The following TTC28 variants were observed in gnomAD, a reference collection of about 807,000 sequenced individuals.
TTC28 encodes tetratricopeptide repeat domain 28, also known as tetratricopeptide repeat protein 28.
TTC28 carries 61 observed loss-of-function variants against 198.0 expected under a neutral mutation model. That is an observed-to-expected ratio of 0.31 (90% CI 0.25 to 0.38). TTC28 has a LOEUF of 0.38. Ranked by LOEUF, TTC28 falls within the 10% of genes least tolerant of loss-of-function variation. The pLI, the probability that TTC28 is intolerant of heterozygous loss-of-function variation, is 1.00. For synonymous variants in TTC28, 1,171 were observed against 1,297.8 expected, an observed-to-expected ratio of 0.90 and a Z score of 2.10; for missense variants, 2,678 against 3,164.0, an observed-to-expected ratio of 0.85 and a Z score of 3.69.
chr22:28,360,716 G>A (rs2046145437), intron 2 of TTC28, among the ~76,000 whole-genome samples: 1 of 152,078 alleles, frequency 6.6e-6, no homozygotes, highest in Non-Finnish European at 1.5e-5. Flanking sequence ...GGCATACTTT[G>A]TTTTACTGCA....
chr22:28,016,379 C>G (rs1007992725), intron 13 of TTC28, among the ~76,000 whole-genome samples: 9 of 152,226 alleles, frequency 5.9e-5, no homozygotes, highest in Non-Finnish European at 1.2e-4. Context: ...GCATGACGCG[C>G]GGTGTCTGTC....
Position 27,993,523 on chromosome 22 carries a change from G to C in TTC28, c.5245-5C>G. On this transcript the variant is annotated splice_polypyrimidine_tract_variant and splice_region_variant and intron_variant, in intron 17 of 22. Coordinates refer to ENST00000397906, the MANE Select transcript of TTC28 (RefSeq NM_001145418.2). ...GCGCTGCAGGGATTTCTCCACCTGA[G>C]GGGGAATTGGGGGTGAGTCAGAGAC... 6.5e-7 allele frequency: 1 copy of C among 1,535,766 alleles called. No individual in the cohort carries two copies. The highest frequency in any genetic ancestry group is 8.8e-7 in the Non-Finnish European group (1 of 1,136,208).
intron 2 of TTC28, among the ~76,000 whole-genome samples, chr22:28,426,653 G>C (rs2047354831): frequency 6.6e-6 from 1 of 152,130 alleles, no homozygotes; most frequent in Admixed American, 6.5e-5. Context: ...CTTAGATCCT[G>C]CTCTTTCCCC....
At chr22:28,123,624 C>A (rs1419205189) in intron 6 of TTC28, among the ~76,000 whole-genome samples, 1 of 152,206 alleles carries the variant, frequency 6.6e-6, no homozygotes, top group Non-Finnish European at 1.5e-5. Context: ...TCCTTACGAT[C>A]TTCCTTCTAT....
intron 6 of TTC28, among the ~76,000 whole-genome samples, chr22:28,157,291 G>A (rs1360083883): frequency 3.3e-5 from 5 of 152,144 alleles, no homozygotes; most frequent in Admixed American, 6.5e-5. Context: ...AACAAGCAAT[G>A]AGATTAAAGC....
chr22:28,439,041 T>G (rs949880510), intron 2 of TTC28, among the ~76,000 whole-genome samples: 2 of 152,200 alleles, frequency 1.3e-5, no homozygotes, highest in South Asian at 2.1e-4. Flanking sequence ...ATGAATCAAC[T>G]GAAATATAAG....
At chr22:28,313,894 T>G (rs761847842) in intron 2 of TTC28, among the ~76,000 whole-genome samples, 3 of 152,098 alleles carry the variant, frequency 2.0e-5, no homozygotes, top group Non-Finnish European at 4.4e-5. Context: ...ATAAAGCATA[T>G]ACAAATAGGA....
At chr22:28,293,988 T>C (rs2044839968) in intron 5 of TTC28, among the ~76,000 whole-genome samples, 1 of 152,132 alleles carries the variant, frequency 6.6e-6, no homozygotes, top group African/African-American at 2.4e-5. Context: ...GTCTTAATAA[T>C]CAGAAACTTT....
At chr22:28,227,056 C>T (rs1194237343) in intron 5 of TTC28, among the ~76,000 whole-genome samples, 4 of 152,122 alleles carry the variant, frequency 2.6e-5, no homozygotes, top group Non-Finnish European at 4.4e-5. Context: ...TCTCAAGTAG[C>T]TGGGACTACA....
chr22:28,089,522 G>A lies in TTC28; in HGVS notation c.3932+4558C>T, dbSNP rs978172173. 5.3e-4 allele frequency among the ~76,000 whole-genome samples: 79 copies of A among 149,744 alleles called. 1 individual carries two copies. The South Asian group carries it at 0.017, about 32-fold the overall frequency. On this transcript the variant is annotated intron_variant, in intron 12 of 22. Coordinates refer to ENST00000397906, the MANE Select transcript of TTC28 (RefSeq NM_001145418.2). ...CACTCTGGGGACTGTTGTGGGGTGGGGGGATGGGGGAGGGATAGCATTAGG... is the reference window on the plus strand; with the variant it reads ...CACTCTGGGGACTGTTGTGGGGTGGAGGGATGGGGGAGGGATAGCATTAGG...
At chr22:28,456,902 C>G (rs772388163) in intron 2 of TTC28, among the ~76,000 whole-genome samples, 9 of 152,152 alleles carry the variant, frequency 5.9e-5, no homozygotes, top group Non-Finnish European at 1.3e-4. Context: ...GTGTCACGAG[C>G]TACCACTTGT....
intron 6 of TTC28, among the ~76,000 whole-genome samples, chr22:28,110,306 T>C (rs1047957058): frequency 1.3e-5 from 2 of 152,176 alleles, no homozygotes; most frequent in Non-Finnish European, 2.9e-5. Context: ...GTAAATCATT[T>C]AGGTTTTTGA....
chr22:28,108,179 T>C lies in TTC28; in HGVS notation c.1666A>G (p.Thr556Ala). ...TAGGCCACGGCAAGGTTCCCATGTG[T>C]GGAGGCCTGTGAGGCGCGGTCATTC... ...EVNDRASQASTHGNLAVAYQA... is the reference protein window; with the variant it reads ...EVNDRASQASAHGNLAVAYQA... Residue 556 changes from threonine to alanine, a missense_variant, in exon 7 of 23, where the codon ACA (threonine) becomes GCA (alanine). By Grantham distance (58) the Thr-to-Ala change is moderately conservative. Coordinates refer to ENST00000397906, the MANE Select transcript of TTC28 (RefSeq NM_001145418.2). 6.4e-7 allele frequency: 1 copy of C among 1,551,706 alleles called. No homozygotes were observed. Among genetic ancestry groups the C allele is most frequent in the Non-Finnish European group, 8.7e-7 (1 of 1,146,966 alleles).
chr22:28,190,713 A>G (rs984621175), intron 5 of TTC28, among the ~76,000 whole-genome samples: 1 of 152,210 alleles, frequency 6.6e-6, no homozygotes, highest in African/African-American at 2.4e-5. Flanking sequence ...AATAGTGTCT[A>G]TCTCTATTAA....
At chr22:28,544,918 T>C (rs748279068) in intron 2 of TTC28, among the ~76,000 whole-genome samples, 1 of 152,212 alleles carries the variant, frequency 6.6e-6, no homozygotes, top group Non-Finnish European at 1.5e-5. Context: ...AATCCACCCC[T>C]TGTAGAGCAT....
At chr22:28,660,369 A>C (rs1176380169) in intron 1 of TTC28, among the ~76,000 whole-genome samples, 1 of 152,206 alleles carries the variant, frequency 6.6e-6, no homozygotes, top group African/African-American at 2.4e-5. Flanking sequence ...TCTGTTGCCC[A>C]GACTGGAATG....
intron 5 of TTC28, among the ~76,000 whole-genome samples, chr22:28,205,197 G>A (rs926203276): frequency 6.6e-5 from 10 of 151,986 alleles, no homozygotes; most frequent in African/African-American, 2.4e-4. Context: ...ATGCTCTTTT[G>A]TTTTAACGCA....
At chr22:28,026,609 T>C (rs995003391) in intron 13 of TTC28, among the ~76,000 whole-genome samples, 1 of 152,180 alleles carries the variant, frequency 6.6e-6, no homozygotes, top group African/African-American at 2.4e-5. Context: ...CTCTTGCTGA[T>C]TCCTTATCCA....
chr22:28,089,733 A>T (rs1042300195), intron 12 of TTC28, among the ~76,000 whole-genome samples: 3 of 144,954 alleles, frequency 2.1e-5, no homozygotes, highest in East Asian at 2.0e-4. Context: ...TCAAATGTTT[A>T]AAAAAAAAAA....
Sources: gnomAD v4.1 joint callset for allele counts (sites outside exome capture counted in the v4.1 genomes callset) on GRCh38, gnomAD v4.1.1 for gene constraint, MANE v1.5 for transcripts, NCBI Gene and HGNC (gene_info 2026-07-23, HGNC 2026-07-21) for gene names.